BMPR1A: variants seen among roughly 807,000 people sequenced by gnomAD.
BMPR1A encodes bone morphogenetic protein receptor type 1A.
In BMPR1A, 7 loss-of-function variants were observed where a neutral mutation model predicts 66.0. The ratio of observed to expected loss-of-function variants is 0.11; its 90% CI spans 0.06 to 0.20. The LOEUF (loss-of-function observed/expected upper bound fraction) is 0.20. Among genes scored for constraint, BMPR1A ranks in the 10% least tolerant of loss-of-function variants. The pLI is 1.00. For synonymous variants in BMPR1A, 200 were observed against 229.7 expected, an observed-to-expected ratio of 0.87 and a Z score of 1.17; for missense variants, 408 against 669.1, an observed-to-expected ratio of 0.61 and a Z score of 4.31.
intron 1 of BMPR1A, among the ~76,000 whole-genome samples, chr10:86,760,059 T>A (rs549279743): frequency 1.7e-4 from 25 of 149,596 alleles, no homozygotes; most frequent in African/African-American, 5.2e-4. Context: ...CTTTTCTCCT[T>A]TATCTAATCT....
intron 2 of BMPR1A, among the ~76,000 whole-genome samples, chr10:86,871,662 T>C (rs1842856912): frequency 6.6e-6 from 1 of 151,946 alleles, no homozygotes; most frequent in Non-Finnish European, 1.5e-5. Flanking sequence ...AATACAAAAT[T>C]AGCCAGGCTT....
At position 86,924,037 on chromosome 10, in the gene BMPR1A, T is replaced by C. The variant is rs1306278648; in HGVS notation, c.*318T>C. ...CTCCAGTCAAGCTCTGGGTACTGAA[T>C]TGCCTGTTCATAAAACGGTGCTTTC... On this transcript the variant is annotated 3_prime_UTR_variant, in exon 13 of 13. Coordinates refer to ENST00000372037, the MANE Select transcript of BMPR1A (RefSeq NM_004329.3). The C allele has an allele frequency of 2.3e-6, 1 of 430,582 alleles. No homozygotes were observed. The highest frequency in any genetic ancestry group is 2.0e-5 in the African/African-American group (1 of 50,966). 26.7% of individuals were successfully genotyped at this position (430,582 alleles called of 1,614,324 possible).
chr10:86,900,207 A>G (rs1388232787), intron 7 of BMPR1A, 81 bp downstream of exon 7: 1 of 1,352,704 alleles, frequency 7.4e-7, no homozygotes, highest in African/African-American at 1.4e-5. Context: ...AGTTGCAGAA[A>G]CCATTAACTT....
chr10:86,813,585 A>G (rs1044108467), intron 1 of BMPR1A, among the ~76,000 whole-genome samples: 1 of 152,202 alleles, frequency 6.6e-6, no homozygotes, highest in African/African-American at 2.4e-5. Flanking sequence ...ACAAAACAAC[A>G]ATACTAATAT....
At position 86,923,414 on chromosome 10, in the gene BMPR1A, G is replaced by T. The variant is rs1160800840; in HGVS notation, c.1381G>T (p.Val461Leu). The T allele has an allele frequency of 1.2e-6, 2 of 1,614,018 alleles. No homozygotes were observed. Among genetic ancestry groups the T allele is most frequent in the Admixed American group, 3.3e-5 (2 of 59,992 alleles). ...EEYQLPYYNM[V>L]PSDPSYEDMR... ...ATACCAATTGCCATATTACAACATG[G>T]TACCGAGTGATCCGTCATACGAAGA... The change falls in exon 12 of 13, where the codon GTA (valine) becomes TTA (leucine). Residue 461 changes from valine to leucine, a missense_variant. Physicochemically the swap from Val to Leu is conservative, Grantham distance 32. This residue lies in a region of BMPR1A where 130 missense variants were observed against 257.3 expected (regional missense o/e 0.51). Coordinates refer to ENST00000372037, the MANE Select transcript of BMPR1A (RefSeq NM_004329.3).
At chr10:86,805,426 A>G (rs1564690632) in intron 1 of BMPR1A, among the ~76,000 whole-genome samples, 1 of 136,826 alleles carries the variant, frequency 7.3e-6, no homozygotes, top group African/African-American at 2.7e-5. Flanking sequence ...GAGGTTGTAT[A>G]TATTATGCCC....
At chr10:86,776,063 A>T (rs1824024712) in intron 1 of BMPR1A, among the ~76,000 whole-genome samples, 1 of 152,180 alleles carries the variant, frequency 6.6e-6, no homozygotes, top group South Asian at 2.1e-4. Flanking sequence ...AAGGATTCTT[A>T]AATGTTTTAA....
At chr10:86,839,640 GTTA>G (rs1190651174) in intron 2 of BMPR1A, among the ~76,000 whole-genome samples, 2 of 145,224 alleles carry the variant, frequency 1.4e-5, no homozygotes, top group Non-Finnish European at 3.0e-5. Flanking sequence ...GAATGTTTAT[GTTA>G]TTCTGAAATT....
chr10:86,880,207 T>C (rs1202095309), intron 3 of BMPR1A, among the ~76,000 whole-genome samples: 3 of 152,216 alleles, frequency 2.0e-5, no homozygotes, highest in Admixed American at 2.0e-4. Context: ...CTCTGATCTC[T>C]TTGGTTTCAC....
chr10:86,784,734 G>T (rs143839750), intron 1 of BMPR1A, among the ~76,000 whole-genome samples: 19 of 152,176 alleles, frequency 1.2e-4, no homozygotes, highest in African/African-American at 3.9e-4. Flanking sequence ...TTCAGTCCTG[G>T]CAGGTTGTGT....
At chr10:86,902,658 G>T (rs952937615) in intron 7 of BMPR1A, among the ~76,000 whole-genome samples, 1 of 152,176 alleles carries the variant, frequency 6.6e-6, no homozygotes, top group Non-Finnish European at 1.5e-5. Context: ...GCCAATCAAG[G>T]TGTCAGGCTG....
At chr10:86,863,302 T>C (rs959180495) in intron 2 of BMPR1A, among the ~76,000 whole-genome samples, 3 of 152,222 alleles carry the variant, frequency 2.0e-5, no homozygotes, top group Admixed American at 6.5e-5. Flanking sequence ...ATAGCACTTA[T>C]AGCAGCCTGT....
At chr10:86,870,333 A>G (rs10788531) in intron 2 of BMPR1A, among the ~76,000 whole-genome samples, 146,295 of 152,354 alleles carry the variant, frequency 0.96, 70,268 homozygotes, top group East Asian at 1. Flanking sequence ...TCCCATTTCA[A>G]TAACTGTTCA....
chr10:86,824,105 G>GTGTGTGTGTGTTTGTGTGTGTGTGTGTT (rs150991310), intron 1 of BMPR1A, among the ~76,000 whole-genome samples: 16 of 147,384 alleles, frequency 1.1e-4, no homozygotes, highest in African/African-American at 3.7e-4. Context: ...GTGTGTGTGT[G>GTGTGTGTGTGTTTGTGTGTGTGTGTGTT]TGTGTGTTTC....
At position 86,924,497 on chromosome 10, in the gene BMPR1A, G is replaced by T. The variant is rs1293477780; in HGVS notation, c.*778G>T. On this transcript the variant is annotated 3_prime_UTR_variant, in exon 13 of 13. Transcript: ENST00000372037. ...TTTAAAGCATCTGTAAATTTGGACT[G>T]TTTTCCTTCAACCACCATTTTTTTT... 4.3e-6 allele frequency: 1 copy of T among 233,402 alleles called. No individual in the cohort carries two copies. Among genetic ancestry groups the T allele is most frequent in the African/African-American group, 2.2e-5 (1 of 45,292 alleles). 14.5% of individuals were successfully genotyped at this position (233,402 alleles called of 1,614,324 possible). A position where few individuals can be genotyped will look rare whatever the true frequency, so the allele number is the denominator to read the frequency against.
intron 5 of BMPR1A, among the ~76,000 whole-genome samples, chr10:86,894,566 C>T (rs1843198897): frequency 6.6e-6 from 1 of 152,160 alleles, no homozygotes; most frequent in Non-Finnish European, 1.5e-5. Context: ...GTTCAACAGG[C>T]CCCTAGTGTA....
chr10:86,815,063 G>T (rs1001548596), intron 1 of BMPR1A, among the ~76,000 whole-genome samples: 1 of 152,150 alleles, frequency 6.6e-6, no homozygotes, highest in Non-Finnish European at 1.5e-5. Flanking sequence ...GATTACAGGC[G>T]TGAGCTACCA....
chr10:86,897,235 CCACA>C (rs1843236380), intron 5 of BMPR1A, among the ~76,000 whole-genome samples: 1 of 152,108 alleles, frequency 6.6e-6, no homozygotes, highest in Non-Finnish European at 1.5e-5. Flanking sequence ...AATTTGTTTC[CCACA>C]AAAATTCATA....
At chr10:86,813,257 C>T (rs1444239824) in intron 1 of BMPR1A, among the ~76,000 whole-genome samples, 3 of 152,142 alleles carry the variant, frequency 2.0e-5, no homozygotes, top group Non-Finnish European at 2.9e-5. Context: ...TAAAGTGACT[C>T]ATAGTCTGTG....
Sources: allele counts gnomAD v4.1 joint callset (sites outside exome capture counted in the v4.1 genomes callset), GRCh38; gene constraint gnomAD v4.1.1; regional missense constraint gnomAD v4.1.1; transcripts MANE v1.5; gene names NCBI Gene and HGNC (gene_info 2026-07-23, HGNC 2026-07-21).